Variants in PCSK5 observed in about 807,000 individuals in gnomAD.
The protein encoded by PCSK5 is prohormone convertase 5.
A neutral mutation model predicts 233.2 loss-of-function variants in PCSK5; 129 were observed. That is an observed-to-expected ratio of 0.55 (90% CI 0.48 to 0.64). PCSK5 has a LOEUF of 0.64. PCSK5 is among the 30% of genes least tolerant of loss of function. The probability of loss-of-function intolerance (pLI) is 0.00; values close to 1 mark genes in which losing one functional copy is unlikely to be tolerated. For missense variants in PCSK5, 2,076 were observed against 2,430.1 expected (o/e 0.85, Z 3.06); for synonymous variants, 825 against 879.2 (o/e 0.94, Z 1.09).
At chr9:76,225,859 G>A (rs779567901) in intron 20 of PCSK5, among the ~76,000 whole-genome samples, 32 of 152,156 alleles carry the variant, frequency 2.1e-4, no homozygotes, top group Non-Finnish European at 4.1e-4. Flanking sequence ...CTACACCAGA[G>A]TGCCTGGCAT....
At chr9:76,178,022 C>A (rs1368523616) in intron 14 of PCSK5, among the ~76,000 whole-genome samples, 3 of 151,798 alleles carry the variant, frequency 2.0e-5, no homozygotes, top group Non-Finnish European at 1.5e-5. Context: ...TCCTTTGGAG[C>A]TGCAATTTTC....
chr9:76,249,091 T>A (rs888786901), intron 24 of PCSK5, among the ~76,000 whole-genome samples: 1 of 152,218 alleles, frequency 6.6e-6, no homozygotes, highest in Non-Finnish European at 1.5e-5. Flanking sequence ...CAAAAGTGTC[T>A]AGATCACTGA....
rs200703887 is a variant in PCSK5 at position 76,321,435 on chromosome 9, G to C, written c.3898G>C (p.Glu1300Gln). The change falls in exon 31 of 38, where the codon GAA becomes CAA. Residue 1300 changes from glutamate (E) to glutamine (Q), a missense_variant. By Grantham distance (29) the Glu-to-Gln change is conservative. This residue lies in a region of PCSK5 where 1,510 missense variants were observed against 1,538.1 expected (regional missense o/e 0.98). Coordinates refer to ENST00000674117, the MANE Select transcript of PCSK5 (RefSeq NM_001372043.1). ...YSKCPEGSYA[E>Q]DGICERCSSP... is the part of the protein sequence containing the mutation. Reference sequence around the variant, plus strand: ...TTCCTTCCACAGGGGCTCTTATGCAGAAGACGGCATATGTGAACGCTGTAG... The same window carrying C: ...TTCCTTCCACAGGGGCTCTTATGCACAAGACGGCATATGTGAACGCTGTAG... 6.3e-7 allele frequency: 1 copy of C among 1,587,448 alleles called. No homozygotes were observed. Among genetic ancestry groups the C allele is most frequent in the Non-Finnish European group, 8.6e-7 (1 of 1,156,998 alleles).
Position 75,939,299 on chromosome 9 carries a change from A to G in PCSK5, c.297+6816A>G, listed in dbSNP as rs567517918. On this transcript the variant is annotated intron_variant, in intron 2 of 37. Coordinates refer to ENST00000674117, the MANE Select transcript of PCSK5 (RefSeq NM_001372043.1). ...GCAATAATAACACAGTTTTGCAGAA[A>G]GTGCTGTTATATTTTATAGCAGTCT... Among the ~76,000 whole-genome samples the G allele has an allele frequency of 3.3e-5, 5 of 152,370 alleles. No individual in the cohort carries two copies. In the South Asian group the frequency reaches 1.0e-3, roughly 32 times the overall value.
At chr9:76,013,602 T>C (rs1295769736) in intron 3 of PCSK5, among the ~76,000 whole-genome samples, 2 of 152,200 alleles carry the variant, frequency 1.3e-5, no homozygotes, top group East Asian at 3.9e-4. Context: ...TTTGTCTTTC[T>C]TTCCGTCTGT....
intron 1 of PCSK5, among the ~76,000 whole-genome samples, chr9:75,907,622 G>A (rs1826315310): frequency 6.6e-6 from 1 of 152,088 alleles, no homozygotes; most frequent in South Asian, 2.1e-4. Flanking sequence ...ACTCCGAGAG[G>A]CAAGTCCCAG....
chr9:76,329,747 C>T (rs761567114), intron 33 of PCSK5, among the ~76,000 whole-genome samples: 18 of 151,940 alleles, frequency 1.2e-4, no homozygotes, highest in Admixed American at 2.6e-4. Context: ...GCAGGGGAAT[C>T]GCTTGAACCC....
chr9:76,072,008 G>C (rs959298968), intron 7 of PCSK5, 110 bp downstream of exon 7: 8 of 1,022,212 alleles, frequency 7.8e-6, no homozygotes, highest in Non-Finnish European at 1.4e-6. Context: ...GAGCTCCTAG[G>C]CTGAGCCAGC....
At chr9:76,072,121 G>A (rs1470247165) in intron 7 of PCSK5, among the ~76,000 whole-genome samples, 4 of 152,194 alleles carry the variant, frequency 2.6e-5, no homozygotes, top group South Asian at 2.1e-4. Context: ...GAGAACAGAG[G>A]TATGTTACAG....
At chr9:76,129,211 T>C (rs1822655129) in intron 9 of PCSK5, among the ~76,000 whole-genome samples, 1 of 152,138 alleles carries the variant, frequency 6.6e-6, no homozygotes. Flanking sequence ...ACAGTGACAT[T>C]AATTTTCTGA....
In PCSK5 at chr9:76,233,540, A is replaced by G. The variant is rs756659579; in HGVS notation, c.2810A>G (p.His937Arg). The change falls in exon 22 of 38, where the codon CAC becomes CGC. Residue 937 changes from histidine to arginine, a missense_variant. Transcript: ENST00000674117. ...EFENQCHPCHHTCQRCQGSGP... is the reference protein window; with the variant it reads ...EFENQCHPCHRTCQRCQGSGP... Reference sequence around the variant, plus strand: ...GAGAACCAATGCCATCCATGCCACCACACCTGCCAGAGATGCCAAGGAAGT... The same window carrying G: ...GAGAACCAATGCCATCCATGCCACCGCACCTGCCAGAGATGCCAAGGAAGT... 5.6e-6 allele frequency: 9 copies of G among 1,612,246 alleles called. No homozygotes were observed. The highest frequency in any genetic ancestry group is 7.6e-6 in the Non-Finnish European group (9 of 1,179,772).
intron 30 of PCSK5, among the ~76,000 whole-genome samples, chr9:76,319,653 G>A (rs1829136159): frequency 1.3e-5 from 2 of 152,162 alleles, no homozygotes; most frequent in Middle Eastern, 3.4e-3. Context: ...TTTTCTTGAG[G>A]GAGTCAGGGA....
At chr9:76,110,185 G>T (rs916947963) in intron 9 of PCSK5, among the ~76,000 whole-genome samples, 2 of 152,190 alleles carry the variant, frequency 1.3e-5, no homozygotes, top group African/African-American at 4.8e-5. Context: ...GCTCTAGGCA[G>T]AGTTATGACT....
intron 24 of PCSK5, among the ~76,000 whole-genome samples, chr9:76,288,500 C>T (rs1170482411): frequency 6.6e-6 from 1 of 152,188 alleles, no homozygotes; most frequent in Non-Finnish European, 1.5e-5. Context: ...CCTGTAATCT[C>T]AGCACTTTGG....
chr9:76,015,670 A>G (rs1163047028), intron 3 of PCSK5, among the ~76,000 whole-genome samples: 1 of 152,176 alleles, frequency 6.6e-6, no homozygotes, highest in Non-Finnish European at 1.5e-5. Context: ...TTTGCTTTAG[A>G]ATCATATACT....
At chr9:75,956,622 G>T (rs1825106177) in intron 2 of PCSK5, among the ~76,000 whole-genome samples, 1 of 152,178 alleles carries the variant, frequency 6.6e-6, no homozygotes, top group Admixed American at 6.5e-5. Flanking sequence ...AAATCTAAGA[G>T]ATTTATAGAT....
Position 76,009,569 on chromosome 9 carries a change from G to A in PCSK5, c.412-14169G>A, listed in dbSNP as rs561248587. 4.6e-5 allele frequency among the ~76,000 whole-genome samples: 7 copies of A among 151,264 alleles called. No homozygotes were observed. The East Asian group carries it at 1.2e-3, about 25-fold the overall frequency. On this transcript the variant is annotated intron_variant, in intron 3 of 37. Transcript: ENST00000674117. Reference sequence around the variant, plus strand: ...TTGAACCCGGGAGGCGGAGGTTGCAGTGAGCCGAGATCACACCACTGCACT... The same window carrying A: ...TTGAACCCGGGAGGCGGAGGTTGCAATGAGCCGAGATCACACCACTGCACT...
chr9:76,012,922 A>G (rs917228900), intron 3 of PCSK5, among the ~76,000 whole-genome samples: 1 of 152,194 alleles, frequency 6.6e-6, no homozygotes, highest in Non-Finnish European at 1.5e-5. Context: ...TATTTTGGGT[A>G]ATAACTTATT....
chr9:76,115,898 AC>A (rs1463166606), intron 9 of PCSK5, among the ~76,000 whole-genome samples: 1 of 152,104 alleles, frequency 6.6e-6, no homozygotes, highest in African/African-American at 2.4e-5. Context: ...GCCTATGGCT[AC>A]ATTGTCTTGC....
Sources: gnomAD v4.1 joint callset for allele counts (sites outside exome capture counted in the v4.1 genomes callset) on GRCh38, gnomAD v4.1.1 for gene constraint, gnomAD v4.1.1 regional missense constraint, MANE v1.5 for transcripts, NCBI Gene and HGNC (gene_info 2026-07-23, HGNC 2026-07-21) for gene names.